The following DNAH2 variants were observed in gnomAD, a reference collection of about 807,000 sequenced individuals.
The protein encoded by DNAH2 is axonemal beta dynein heavy chain 2.
DNAH2 carries 323 observed loss-of-function variants against 523.5 expected under a neutral mutation model. The ratio of observed to expected loss-of-function variants is 0.62; its 90% CI spans 0.56 to 0.68. The LOEUF (loss-of-function observed/expected upper bound fraction) is 0.68, where lower values mean the gene tolerates loss of function less well. DNAH2 is among the 30% of genes least tolerant of loss of function. The pLI is 0.00. For synonymous variants in DNAH2, 2,093 were observed against 2,177.4 expected (o/e 0.96, Z 1.08); for missense variants, 4,907 against 5,701.5 (o/e 0.86, Z 4.49).
chr17:7,727,459 G>C (rs2074852995), intron 4 of DNAH2, among the ~76,000 whole-genome samples, 167 bp downstream of exon 4: 1 of 152,126 alleles, frequency 6.6e-6, no homozygotes, highest in South Asian at 2.1e-4. Flanking sequence ...GATGACGCAA[G>C]AACGCTGTCA....
Position 7,754,434 on chromosome 17 carries a change from G to A in DNAH2, c.1905-2657G>A, listed in dbSNP as rs373806222. On this transcript the variant is annotated intron_variant, in intron 12 of 85. Transcript: ENST00000572933. The surrounding 1 kb of genome is among the most constrained non-coding windows in gnomAD (Gnocchi z 4.6). ...CCATACACCACCAGTCCCGAAAATGGCACAGAAATGGTATCAAGAAACCGC... is the reference window on the plus strand; with the variant it reads ...CCATACACCACCAGTCCCGAAAATGACACAGAAATGGTATCAAGAAACCGC... 8.3e-5 allele frequency: 54 copies of A among 653,760 alleles called. No individual in the cohort carries two copies. The highest frequency in any genetic ancestry group is 1.3e-4 in the Non-Finnish European group (48 of 368,764). 40.5% of individuals were successfully genotyped at this position (653,760 alleles called of 1,614,324 possible).
At chr17:7,756,190 A>C (rs2075830665) in intron 12 of DNAH2, among the ~76,000 whole-genome samples, 1 of 151,764 alleles carries the variant, frequency 6.6e-6, no homozygotes, top group Non-Finnish European at 1.5e-5. Flanking sequence ...CAGTGAGCTG[A>C]GATTGCGCCA....
chr17:7,815,491 C>T (rs1406028966), intron 63 of DNAH2, among the ~76,000 whole-genome samples: 2 of 152,140 alleles, frequency 1.3e-5, no homozygotes, highest in Non-Finnish European at 2.9e-5. Flanking sequence ...GTCAGATATA[C>T]ATACAGGATC....
At chr17:7,804,504 A>G (rs1240134611) in intron 59 of DNAH2, 38 bp downstream of exon 59, 7 of 1,601,058 alleles carry the variant, frequency 4.4e-6, no homozygotes, top group Non-Finnish European at 5.1e-6. Flanking sequence ...CCCCACTCCC[A>G]CCAGTGCCGG....
At chr17:7,829,017 C>T (rs1224241697) in intron 77 of DNAH2, among the ~76,000 whole-genome samples, 1 of 144,936 alleles carries the variant, frequency 6.9e-6, no homozygotes, top group Admixed American at 6.9e-5. Context: ...CTCAAACATC[C>T]ATTATTATTA....
rs1379112099 is a variant in DNAH2, at chr17:7,757,033, T to C, written c.1905-58T>C. 4 of 1,602,896 alleles carry C rather than the reference T, an allele frequency of 2.5e-6. No homozygotes were observed. In the East Asian group the frequency reaches 9.0e-5, roughly 36 times the overall value. On this transcript the variant is annotated intron_variant, in intron 12 of 85. Transcript: ENST00000572933. ...CCCAGCCTCTCCACCTGTTCGATTG[T>C]TGCTCTAGTTTATCCCCTCGTGCGG... is the stretch of plus-strand genomic sequence containing the variant.
At chr17:7,787,196 A>G in intron 42 of DNAH2, 163 bp downstream of exon 42, 2 of 893,484 alleles carry the variant, frequency 2.2e-6, no homozygotes. Flanking sequence ...CTGAAGAAAA[A>G]TGCTTTGCTT....
rs759742152 is a variant in DNAH2 at position 7,830,696 on chromosome 17, C to G, written c.12084C>G (p.Tyr4028Ter). 2.5e-6 allele frequency: 4 copies of G among 1,614,172 alleles called. No homozygotes were observed. Among genetic ancestry groups the G allele is most frequent in the Non-Finnish European group, 3.4e-6 (4 of 1,180,034 alleles). Residue 4028 changes from tyrosine (Y) to a stop codon, truncating the protein, a stop_gained, in exon 79 of 86, where the codon TAC becomes TAG. Coordinates refer to ENST00000572933, the MANE Select transcript of DNAH2 (RefSeq NM_020877.5). LOFTEE classifies it high-confidence loss of function. ...TGCTGAGCCTCTATCTCGATGAGTACGAGGAGACACCTTGGGACGCACTTA... is the reference window on the plus strand; with the variant it reads ...TGCTGAGCCTCTATCTCGATGAGTAGGAGGAGACACCTTGGGACGCACTTA... ...ENLLSLYLDE[Y>*]EETPWDALKY... is the part of the protein sequence containing the mutation.
At chr17:7,726,696 TC>T (rs1160693561) in intron 3 of DNAH2, among the ~76,000 whole-genome samples, 19 of 152,270 alleles carry the variant, frequency 1.2e-4, no homozygotes, top group African/African-American at 4.3e-4. Flanking sequence ...TCTTTTGGAC[TC>T]CATCGTGAAG....
rs149631847 is a variant in DNAH2 at position 7,819,216 on chromosome 17, G to A, written c.10823G>A (p.Arg3608His). The change falls in exon 72 of 86, where the codon CGC becomes CAC. Residue 3608 changes from arginine to histidine, a missense_variant. By Grantham distance (29) the Arg-to-His change is conservative. Around this residue, in one of 3 missense-constraint regions of DNAH2, gnomAD observed 1,851 missense variants for 2,139.4 expected, o/e 0.87. Coordinates refer to ENST00000572933, the MANE Select transcript of DNAH2 (RefSeq NM_020877.5). ...INTDLAREAYRPCAQRASILF... is the reference protein window; with the variant it reads ...INTDLAREAYHPCAQRASILF... ...ACCCATCCCCACCGGCAGGCTTACC[G>A]CCCATGCGCCCAGCGGGCATCAATC... is the stretch of plus-strand genomic sequence containing the variant. The A allele has an allele frequency of 3.3e-5, 54 of 1,613,522 alleles. No individual in the cohort carries two copies. In the East Asian group the frequency reaches 3.6e-4, roughly 11 times the overall value.
chr17:7,817,399 A>G lies in DNAH2; in HGVS notation c.10004A>G (p.Gln3335Arg), dbSNP rs2077702733. 6.2e-7 allele frequency: 1 copy of G among 1,613,854 alleles called. No homozygotes were observed. Among genetic ancestry groups the G allele is most frequent in the African/African-American group, 1.3e-5 (1 of 74,880 alleles). The change falls in exon 65 of 86, where the codon CAA (glutamine) becomes CGA (arginine). Residue 3335 changes from glutamine (Q) to arginine (R), a missense_variant. Around this residue, in one of 3 missense-constraint regions of DNAH2, gnomAD observed 1,851 missense variants for 2,139.4 expected, o/e 0.87. Coordinates refer to ENST00000572933, the MANE Select transcript of DNAH2 (RefSeq NM_020877.5). ...LTNYRDEIVN[Q>R]IWIGKIWELQ... ...AACTACCGGGATGAGATTGTCAACC[A>G]AATCTGGATCGGGAAGGTGAGATGG...
rs142494794 is a variant in DNAH2, at chr17:7,763,391, C to T, written c.2979-440C>T. ...TCGATCTCCTGACCTCGTGATCTGCCGGCCTCGGCCTCCCAAAGTGCTAGG... is the reference window on the plus strand; with the variant it reads ...TCGATCTCCTGACCTCGTGATCTGCTGGCCTCGGCCTCCCAAAGTGCTAGG... On this transcript the variant is annotated intron_variant, in intron 18 of 85. Transcript: ENST00000572933. Among the ~76,000 whole-genome samples the T allele has an allele frequency of 1.7e-3, 266 of 152,268 alleles. 2 individuals carry two copies. The highest frequency in any genetic ancestry group is 6.0e-3 in the African/African-American group (250 of 41,540).
intron 12 of DNAH2, among the ~76,000 whole-genome samples, chr17:7,744,266 C>T (rs1266222282): frequency 6.8e-6 from 1 of 146,900 alleles, no homozygotes; most frequent in Admixed American, 6.8e-5. Context: ...TGCACTCCAG[C>T]CTGGGCGACA....
intron 12 of DNAH2, among the ~76,000 whole-genome samples, chr17:7,744,288 C>T (rs1281827767): frequency 3.8e-5 from 5 of 131,402 alleles, no homozygotes; most frequent in African/African-American, 8.9e-5. Context: ...AGTGAGTCTC[C>T]GTCTCAAAAA....
intron 39 of DNAH2, among the ~76,000 whole-genome samples, chr17:7,781,688 G>T (rs180959994): frequency 1.3e-5 from 2 of 152,126 alleles, no homozygotes; most frequent in Non-Finnish European, 1.5e-5. Context: ...TCCCTCCTCC[G>T]CTGACCTACT....
At chr17:7,729,399 A>G (rs565091132) in intron 4 of DNAH2, among the ~76,000 whole-genome samples, 233 of 150,966 alleles carry the variant, frequency 1.5e-3, no homozygotes, top group Middle Eastern at 3.4e-3. Flanking sequence ...AAAAAAAAAA[A>G]AGAGAGAGAG....
chr17:7,746,583 C>T (rs1208447988), intron 12 of DNAH2, among the ~76,000 whole-genome samples: 1 of 152,198 alleles, frequency 6.6e-6, no homozygotes, highest in African/African-American at 2.4e-5. Flanking sequence ...CCCCACCCTC[C>T]ATTTCATTTG....
Position 7,750,402 on chromosome 17 carries a change from C to T in DNAH2, c.1905-6689C>T, listed in dbSNP as rs79558119. On this transcript the variant is annotated intron_variant, in intron 12 of 85. Transcript: ENST00000572933. ...GCAGTTACCCCGGGACTTCCCTCAG[C>T]CTCTTTCCTTGTTTGATTTCATGTT... Among the ~76,000 whole-genome samples the T allele has an allele frequency of 8.6e-3, 1,303 of 152,316 alleles. 18 individuals are homozygous for T. The highest frequency in any genetic ancestry group is 9.2e-3 in the Non-Finnish European group (623 of 68,038).
chr17:7,755,713 C>T (rs908376534), intron 12 of DNAH2, among the ~76,000 whole-genome samples: 2 of 151,728 alleles, frequency 1.3e-5, no homozygotes, highest in African/African-American at 4.8e-5. Context: ...ATGGGAGTGG[C>T]AGCTGGAACA....
Sources: gnomAD v4.1 joint callset for allele counts (sites outside exome capture counted in the v4.1 genomes callset) on GRCh38, gnomAD v4.1.1 for gene constraint, gnomAD v4.1.1 regional missense constraint, Gnocchi (gnomAD v3.1) non-coding constraint, MANE v1.5 for transcripts, NCBI Gene and HGNC (gene_info 2026-07-23, HGNC 2026-07-21) for gene names.